CSNK1G3: variants seen among roughly 807,000 people sequenced by gnomAD.
The protein encoded by CSNK1G3 is casein kinase 1 gamma 3.
A neutral mutation model predicts 64.3 loss-of-function variants in CSNK1G3; 23 were observed. The observed-to-expected ratio is 0.36, with a 90% CI of 0.26 to 0.51. The LOEUF (loss-of-function observed/expected upper bound fraction) is 0.51. CSNK1G3 is among the 20% of genes least tolerant of loss of function. The probability of loss-of-function intolerance (pLI) is 0.96; values close to 1 mark genes in which losing one functional copy is unlikely to be tolerated. For synonymous variants in CSNK1G3, 158 were observed against 162.2 expected, an observed-to-expected ratio of 0.97 and a Z score of 0.20; for missense variants, 357 against 510.5, an observed-to-expected ratio of 0.70 and a Z score of 2.90.
chr5:123,563,984 C>G (rs1454799796), intron 4 of CSNK1G3, among the ~76,000 whole-genome samples: 2 of 151,980 alleles, frequency 1.3e-5, no homozygotes, highest in African/African-American at 4.8e-5. Context: ...TCTGTCATAG[C>G]TAAATTGCTT....
intron 10 of CSNK1G3, among the ~76,000 whole-genome samples, chr5:123,598,686 G>A (rs774319727): frequency 6.6e-6 from 1 of 152,124 alleles, no homozygotes; most frequent in Non-Finnish European, 1.5e-5. Flanking sequence ...AAGGTAGGCT[G>A]GAGGTAAATC....
chr5:123,540,022 C>T (rs1781433253), intron 1 of CSNK1G3, among the ~76,000 whole-genome samples: 1 of 151,758 alleles, frequency 6.6e-6, no homozygotes, highest in African/African-American at 2.4e-5. Flanking sequence ...CTCTTTTGTT[C>T]TTGATCATTT....
At chr5:123,598,400 G>A (rs1390090042) in intron 10 of CSNK1G3, among the ~76,000 whole-genome samples, 3 of 152,156 alleles carry the variant, frequency 2.0e-5, no homozygotes, top group African/African-American at 7.2e-5. Context: ...AGTCAAGGAG[G>A]CTGATGAACA....
chr5:123,547,826 A>G (rs1782843225), intron 2 of CSNK1G3, among the ~76,000 whole-genome samples: 1 of 152,110 alleles, frequency 6.6e-6, no homozygotes. Flanking sequence ...ATAGACTTCT[A>G]AAAGGGTATT....
At chr5:123,591,111 T>C (rs547742245) in intron 9 of CSNK1G3, among the ~76,000 whole-genome samples, 4 of 152,210 alleles carry the variant, frequency 2.6e-5, no homozygotes, top group African/African-American at 9.6e-5. Flanking sequence ...AATTTGAATA[T>C]TTTAAAAACA....
chr5:123,574,088 A>T (rs1322480301), intron 5 of CSNK1G3, among the ~76,000 whole-genome samples: 1 of 152,058 alleles, frequency 6.6e-6, no homozygotes, highest in Non-Finnish European at 1.5e-5. Context: ...TGACCTTGTG[A>T]TCCGCCCGCC....
At chr5:123,580,463 T>C (rs1384312494) in intron 6 of CSNK1G3, among the ~76,000 whole-genome samples, 1 of 152,012 alleles carries the variant, frequency 6.6e-6, no homozygotes, top group Admixed American at 6.5e-5. Flanking sequence ...AGGTTATTTA[T>C]GTTCAGAAGG....
chr5:123,609,911 C>CT (rs397999153), intron 12 of CSNK1G3, among the ~76,000 whole-genome samples: 1 of 5,936 alleles, frequency 1.7e-4, no homozygotes, highest in Non-Finnish European at 2.4e-4. Flanking sequence ...AAGGGCATGG[C>CT]ATATTTATGA....
chr5:123,577,835 A>G (rs980500617), intron 6 of CSNK1G3, among the ~76,000 whole-genome samples: 4 of 151,940 alleles, frequency 2.6e-5, no homozygotes, highest in Non-Finnish European at 4.4e-5. Flanking sequence ...CAAGATTTAG[A>G]ACACTATCAT....
exon 2 of CSNK1G3, chr5:123,545,803 A>G (rs1561491854): frequency 1.2e-6 from 2 of 1,613,730 alleles, no homozygotes; most frequent in Admixed American, 1.7e-5. Flanking sequence ...AGAGTTGGAA[A>G]AAAAATTGGA....
At chr5:123,560,088 GA>G (rs1785388244) in intron 4 of CSNK1G3, among the ~76,000 whole-genome samples, 1 of 151,938 alleles carries the variant, frequency 6.6e-6, no homozygotes, top group Admixed American at 6.6e-5. Context: ...AATCTCCAAA[GA>G]TATACAAATG....
intron 4 of CSNK1G3, among the ~76,000 whole-genome samples, chr5:123,563,655 G>T (rs962850314): frequency 6.6e-6 from 1 of 152,026 alleles, no homozygotes; most frequent in African/African-American, 2.4e-5. Flanking sequence ...GTTAAAAGTT[G>T]TGGGTATAAA....
At chr5:123,542,654 G>A (rs1386782707) in intron 1 of CSNK1G3, among the ~76,000 whole-genome samples, 2 of 152,110 alleles carry the variant, frequency 1.3e-5, no homozygotes, top group African/African-American at 4.8e-5. Flanking sequence ...GGCAAAAAGA[G>A]GGGAAAAATA....
chr5:123,575,268 A>G (rs1032231008), intron 5 of CSNK1G3, among the ~76,000 whole-genome samples: 2 of 152,244 alleles, frequency 1.3e-5, no homozygotes, highest in Non-Finnish European at 2.9e-5. Context: ...AAGATACTGA[A>G]TAGTGCTGTT....
rs145855467 is a variant in CSNK1G3, at chr5:123,570,254, A to C, written c.290-3139A>C. Among the ~76,000 whole-genome samples the C allele has an allele frequency of 3.9e-3, 592 of 152,210 alleles. 6 individuals are homozygous for C. The highest frequency in any genetic ancestry group is 0.014 in the African/African-American group (568 of 41,530). ...TATAAACCAAAACATACTGCTATCT[A>C]TCTTATTCAGAAGTCATTTCTCAAC... On this transcript the variant is annotated intron_variant, in intron 4 of 12. Coordinates refer to ENST00000345990, the Ensembl canonical transcript of CSNK1G3.
At chr5:123,564,078 A>G (rs1442286033) in intron 4 of CSNK1G3, among the ~76,000 whole-genome samples, 1 of 152,074 alleles carries the variant, frequency 6.6e-6, no homozygotes, top group Non-Finnish European at 1.5e-5. Flanking sequence ...TACAAGTTTT[A>G]CACTGCTAAA....
intron 10 of CSNK1G3, among the ~76,000 whole-genome samples, chr5:123,603,408 C>T (rs1794816993): frequency 3.3e-5 from 5 of 151,996 alleles, no homozygotes; most frequent in Admixed American, 2.0e-4. Context: ...TGCATACATG[C>T]ATTCATTTAT....
At chr5:123,547,412 A>G (rs768960550) in intron 2 of CSNK1G3, among the ~76,000 whole-genome samples, 4 of 152,116 alleles carry the variant, frequency 2.6e-5, no homozygotes, top group Non-Finnish European at 5.9e-5. Context: ...ATACACACAC[A>G]TATATACACA....
intron 6 of CSNK1G3, among the ~76,000 whole-genome samples, chr5:123,587,464 A>G (rs561699235): frequency 1.2e-4 from 19 of 152,334 alleles, no homozygotes; most frequent in Admixed American, 1.0e-3. Flanking sequence ...GTGCTAAATG[A>G]CATTTTGTTA....
Sources: gnomAD v4.1 joint callset for allele counts (sites outside exome capture counted in the v4.1 genomes callset) on GRCh38, gnomAD v4.1.1 for gene constraint, MANE v1.5 for transcripts, NCBI Gene and HGNC (gene_info 2026-07-23, HGNC 2026-07-21) for gene names.